PTGES3L: variants seen among roughly 807,000 people sequenced by gnomAD.
The protein encoded by PTGES3L is putative protein PTGES3L.
A neutral mutation model predicts 25.0 loss-of-function variants in PTGES3L; 17 were observed. That is an observed-to-expected ratio of 0.68 (90% CI 0.47 to 1.02). PTGES3L has a LOEUF of 1.02. Among genes scored for constraint, PTGES3L ranks in the 50% least tolerant of loss-of-function variants. The pLI is 0.00. For synonymous variants in PTGES3L, 59 were observed against 65.7 expected (o/e 0.90, Z 0.50); for missense variants, 202 against 197.5 (o/e 1.02, Z -0.14).
At position 42,971,860 on chromosome 17, in the gene PTGES3L, C is replaced by A. The variant is rs76116170; in HGVS notation, c.289-164G>T. The A allele has an allele frequency of 9.1e-3, 5,618 of 614,920 alleles. 239 individuals carry two copies. In the African/African-American group the frequency reaches 0.093, roughly 10 times the overall value. The allele number at this position is 614,920 out of a possible 1,614,324, so 38.1% of individuals were successfully genotyped here. On this transcript the variant is annotated intron_variant, in intron 4 of 6. Transcript: ENST00000591916. Reference sequence around the variant, plus strand: ...GACCAGGAACCTGCCAATCTACACACAAAGCTAGGCATGATAGAGTCTGAA... The same window carrying A: ...GACCAGGAACCTGCCAATCTACACAAAAAGCTAGGCATGATAGAGTCTGAA...
In PTGES3L at chr17:42,969,125, T is replaced by C. The variant is rs956064064; in HGVS notation, c.*23A>G. 1.3e-6 allele frequency: 2 copies of C among 1,534,802 alleles called. No individual in the cohort carries two copies. Among genetic ancestry groups the C allele is most frequent in the East Asian group, 4.9e-5 (2 of 40,786 alleles). On this transcript the variant is annotated 3_prime_UTR_variant, in exon 7 of 7. Coordinates refer to ENST00000591916, the MANE Select transcript of PTGES3L (RefSeq NM_001261430.2). ...AACTGGAAAATAGCCACAGCTGCCT[T>C]CCCAGCTTTGCGTCACAGAAAGTTA...
rs1486329563 is a variant in PTGES3L, at chr17:42,979,675, T to C, written c.9-12A>G. Reference sequence around the variant, plus strand: ...TCCGGGCGTGCTGCCTGAAGAGAAGTTGAGGTGTGGCTTCATAGGGGTGGG... The same window carrying C: ...TCCGGGCGTGCTGCCTGAAGAGAAGCTGAGGTGTGGCTTCATAGGGGTGGG... On this transcript the variant is annotated splice_polypyrimidine_tract_variant and intron_variant, in intron 1 of 6. Coordinates refer to ENST00000591916, the MANE Select transcript of PTGES3L (RefSeq NM_001261430.2). The C allele has an allele frequency of 1.2e-6, 2 of 1,612,560 alleles. No individual in the cohort carries two copies. Among genetic ancestry groups the C allele is most frequent in the Non-Finnish European group, 8.5e-7 (1 of 1,179,274 alleles).
chr17:42,971,853 C>T (rs1027772734), intron 4 of PTGES3L, 157 bp from the exon 5 acceptor site: 2 of 635,190 alleles, frequency 3.1e-6, no homozygotes, highest in Non-Finnish European at 5.5e-6. Context: ...ACCTGCCAAT[C>T]TACACACAAA....
At chr17:42,970,917 G>T (rs2049825318) in intron 5 of PTGES3L, among the ~76,000 whole-genome samples, 2 of 152,054 alleles carry the variant, frequency 1.3e-5, no homozygotes, top group African/African-American at 2.4e-5. Context: ...TGAGGCACAA[G>T]AATCACTTGA....
intron 4 of PTGES3L, among the ~76,000 whole-genome samples, chr17:42,978,077 C>CAAAAAAAAAAAAAAAAAAAA (rs368420097): frequency 4.2e-5 from 2 of 47,390 alleles, no homozygotes; most frequent in African/African-American, 1.0e-4. Flanking sequence ...AACTCCGAAT[C>CAAAAAAAAAAAAAAAAAAAA]AAAAAAAAAA....
chr17:42,976,601 A>G (rs1031342361), intron 4 of PTGES3L, among the ~76,000 whole-genome samples: 1 of 152,038 alleles, frequency 6.6e-6, no homozygotes, highest in Non-Finnish European at 1.5e-5. Context: ...GCTGGTCTCC[A>G]ACTCCTGACC....
chr17:42,974,676 C>G (rs374273347), intron 4 of PTGES3L, among the ~76,000 whole-genome samples: 10 of 150,264 alleles, frequency 6.7e-5, no homozygotes, highest in Non-Finnish European at 1.5e-4. Flanking sequence ...AGGAGACTAA[C>G]GCAGGAGGAT....
chr17:42,969,263 T>C, intron 6 of PTGES3L, 77 bp from the exon 7 acceptor site: 1 of 888,560 alleles, frequency 1.1e-6, no homozygotes, highest in South Asian at 1.8e-5. Flanking sequence ...CAAATACTGC[T>C]TCCTCTCTCC....
chr17:42,970,475 G>T, intron 5 of PTGES3L, 133 bp from the exon 6 acceptor site: 1 of 900,710 alleles, frequency 1.1e-6, no homozygotes, highest in Non-Finnish European at 1.7e-6. Context: ...AACATCACTG[G>T]AATTAATTTG....
intron 4 of PTGES3L, among the ~76,000 whole-genome samples, chr17:42,977,917 A>G (rs1164086182): frequency 6.6e-6 from 1 of 151,394 alleles, no homozygotes; most frequent in Non-Finnish European, 1.5e-5. Context: ...TGTCTCTACT[A>G]AAAATACAAA....
At chr17:42,978,089 A>AAAC (rs1177080482) in intron 4 of PTGES3L, among the ~76,000 whole-genome samples, 4 of 149,520 alleles carry the variant, frequency 2.7e-5, no homozygotes, top group South Asian at 4.2e-4. Context: ...AAAAAAAAAA[A>AAAC]AAAAAAAAAA....
chr17:42,977,119 C>T (rs2049968354), intron 4 of PTGES3L, among the ~76,000 whole-genome samples: 2 of 151,860 alleles, frequency 1.3e-5, no homozygotes, highest in Non-Finnish European at 2.9e-5. Context: ...GGCAAAACCC[C>T]ATCTCTACTA....
chr17:42,980,004 G>C, intron 1 of PTGES3L, 42 bp downstream of exon 1: 2 of 1,529,092 alleles, frequency 1.3e-6, no homozygotes, highest in Non-Finnish European at 1.8e-6. Context: ...GGAATCTCCA[G>C]GGAAAAGGGC....
intron 4 of PTGES3L, among the ~76,000 whole-genome samples, chr17:42,975,400 T>G (rs1216340280): frequency 2.0e-5 from 3 of 152,088 alleles, no homozygotes; most frequent in African/African-American, 7.2e-5. Context: ...TGAGCAAAGG[T>G]ACAGAGGTGA....
At chr17:42,975,764 C>T (rs2049942739) in intron 4 of PTGES3L, among the ~76,000 whole-genome samples, 1 of 152,080 alleles carries the variant, frequency 6.6e-6, no homozygotes, top group African/African-American at 2.4e-5. Flanking sequence ...GCAACCTCTG[C>T]CTCCCGGGTT....
intron 5 of PTGES3L, among the ~76,000 whole-genome samples, chr17:42,970,928 A>C (rs1345958371): frequency 6.6e-6 from 1 of 151,908 alleles, no homozygotes; most frequent in Non-Finnish European, 1.5e-5. Flanking sequence ...AATCACTTGA[A>C]CCTGGGAAGT....
intron 4 of PTGES3L, among the ~76,000 whole-genome samples, chr17:42,973,280 G>C (rs1468856676): frequency 3.0e-5 from 4 of 134,840 alleles, no homozygotes; most frequent in Admixed American, 7.5e-5. Flanking sequence ...CGCCCCGTCC[G>C]GGAGGTGAGG....
chr17:42,979,909 C>T lies in PTGES3L; in HGVS notation c.8+137G>A. On this transcript the variant is annotated intron_variant, in intron 1 of 6. Transcript: ENST00000591916. ...GGGAGAACATTCAGGTCACACCTTCCCTCACCCCACAGTTACAGAGACCAG... is the reference window on the plus strand; with the variant it reads ...GGGAGAACATTCAGGTCACACCTTCTCTCACCCCACAGTTACAGAGACCAG... 2.8e-6 allele frequency: 4 copies of T among 1,446,250 alleles called. No individual in the cohort carries two copies. In the South Asian group the frequency reaches 4.4e-5, roughly 16 times the overall value. The allele number at this position is 1,446,250 out of a possible 1,614,324, so 89.6% of individuals were successfully genotyped here.
intron 5 of PTGES3L, among the ~76,000 whole-genome samples, chr17:42,970,672 A>ACG (rs768089035): frequency 0.056 from 6,476 of 115,400 alleles, 187 homozygotes; most frequent in African/African-American, 0.072. Context: ...CTGGCTTAAC[A>ACG]CGCGCACACA....
Sources: gnomAD v4.1 joint callset for allele counts (sites outside exome capture counted in the v4.1 genomes callset) on GRCh38, gnomAD v4.1.1 for gene constraint, MANE v1.5 for transcripts, NCBI Gene and HGNC (gene_info 2026-07-23, HGNC 2026-07-21) for gene names.